Variants in CDH1 observed in about 807,000 individuals in gnomAD.
CDH1 encodes the protein cadherin-1.
CDH1 carries 35 observed loss-of-function variants against 84.5 expected under a neutral mutation model. The ratio of observed to expected loss-of-function variants is 0.41; its 90% CI spans 0.32 to 0.55. The LOEUF is 0.55. CDH1 is among the 20% of genes least tolerant of loss of function. CDH1 has a pLI of 0.19. For missense variants in CDH1, 994 were observed against 1,126.6 expected, an observed-to-expected ratio of 0.88 and a Z score of 1.68; for synonymous variants, 417 against 439.0, an observed-to-expected ratio of 0.95 and a Z score of 0.63.
chr16:68,783,700 A>G (rs937819090), intron 2 of CDH1, among the ~76,000 whole-genome samples: 6 of 151,972 alleles, frequency 3.9e-5, no homozygotes, highest in Admixed American at 6.6e-5. Flanking sequence ...TTTTTGAGAT[A>G]GAGTCTCGCT....
intron 14 of CDH1, among the ~76,000 whole-genome samples, chr16:68,829,082 C>T (rs1961408229): frequency 6.6e-6 from 1 of 152,052 alleles, no homozygotes; most frequent in South Asian, 2.1e-4. Context: ...TCTCATGTAC[C>T]GTGGGGTAGC....
In CDH1 at chr16:68,815,753, A is replaced by G; in HGVS notation, c.1559A>G (p.Lys520Arg). 6.2e-7 allele frequency: 1 copy of G among 1,614,278 alleles called. No homozygotes were observed. The highest frequency in any genetic ancestry group is 8.5e-7 in the Non-Finnish European group (1 of 1,180,050). Reference protein sequence around the residue: ...AQEPDTFMEQKITYRIWRDTA... With the variant: ...AQEPDTFMEQRITYRIWRDTA... ...GAGCCAGACACATTTATGGAACAGA[A>G]AATAACGTAAGTGTGAGGATTTTTC... Residue 520 changes from lysine to arginine, a missense_variant, in exon 10 of 16, where the codon AAA becomes AGA. This residue lies in a region of CDH1 where 769 missense variants were observed against 881.8 expected (regional missense o/e 0.87). Transcript: ENST00000261769.
chr16:68,829,417 A>G (rs1342913225), intron 14 of CDH1, among the ~76,000 whole-genome samples: 1 of 152,196 alleles, frequency 6.6e-6, no homozygotes, highest in East Asian at 1.9e-4. Flanking sequence ...TTAGTAAGGC[A>G]CACAGCCTAT....
intron 2 of CDH1, among the ~76,000 whole-genome samples, chr16:68,746,807 G>A (rs983340955): frequency 5.3e-5 from 8 of 152,176 alleles, no homozygotes; most frequent in South Asian, 2.1e-4. Context: ...AAGCTAGCCG[G>A]GCGTGGTGGT....
Position 68,829,674 on chromosome 16 carries a change from G to A in CDH1, c.2316G>A (p.Leu772=), listed in dbSNP as rs1057523941. Residue 772 remains leucine (L), a synonymous_variant, in exon 15 of 16, where the codon CTG becomes CTA. Transcript: ENST00000261769. ...EEDQDFDLSQ[L]HRGLDARPEV... Reference sequence around the variant, plus strand: ...CAAAGGACTTTGACTTGAGCCAGCTGCACAGGGGCCTGGACGCTCGGCCTG... The same window carrying A: ...CAAAGGACTTTGACTTGAGCCAGCTACACAGGGGCCTGGACGCTCGGCCTG... 6.2e-7 allele frequency: 1 copy of A among 1,614,106 alleles called. No individual in the cohort carries two copies. Among genetic ancestry groups the A allele is most frequent in the Non-Finnish European group, 8.5e-7 (1 of 1,180,014 alleles).
chr16:68,759,138 CTG>C (rs1963093134), intron 2 of CDH1, among the ~76,000 whole-genome samples: 1 of 152,150 alleles, frequency 6.6e-6, no homozygotes, highest in Non-Finnish European at 1.5e-5. Context: ...CAAGGTCTCA[CTG>C]TGTTGCCCAG....
intron 2 of CDH1, among the ~76,000 whole-genome samples, chr16:68,799,267 G>A (rs980011593): frequency 8.5e-5 from 13 of 152,120 alleles, no homozygotes; most frequent in African/African-American, 2.2e-4. Context: ...TTCAAGTTGC[G>A]GAAGTGAGTT....
chr16:68,745,549 A>ATATATATATATATATGT lies in CDH1; in HGVS notation c.163+7138_163+7139insTATATATATATATATGT, dbSNP rs1285099283. Among the ~76,000 whole-genome samples the ATATATATATATATATGT allele has an allele frequency of 2.3e-3, 175 of 75,178 alleles. 3 individuals are homozygous for ATATATATATATATATGT. Among genetic ancestry groups the ATATATATATATATATGT allele is most frequent in the African/African-American group, 5.3e-3 (95 of 18,078 alleles). 49.3% of individuals were successfully genotyped at this position (75,178 alleles called of 152,430 possible). The stretch of plus-strand genomic sequence containing the variant: ...ATCCTGTCTCAAAAAAAAAAAAAAA[A>ATATATATATATATATGT]ATATATATATATATGTATATATATA... On this transcript the variant is annotated intron_variant, in intron 2 of 15. Transcript: ENST00000261769.
intron 2 of CDH1, among the ~76,000 whole-genome samples, chr16:68,798,359 C>G (rs1407590077): frequency 1.3e-5 from 2 of 152,090 alleles, no homozygotes; most frequent in African/African-American, 4.8e-5. Flanking sequence ...ACAACCCAGC[C>G]CTTGCCAGCG....
At chr16:68,786,534 CTTTTTTT>C (rs3074434) in intron 2 of CDH1, among the ~76,000 whole-genome samples, 7 of 73,914 alleles carry the variant, frequency 9.5e-5, no homozygotes, top group African/African-American at 1.2e-4. Context: ...TTTTTTTTTT[CTTTTTTT>C]TTTTTTTTTT....
At chr16:68,826,249 CAG>C (rs533151200) in intron 13 of CDH1, among the ~76,000 whole-genome samples, 60 of 152,152 alleles carry the variant, frequency 3.9e-4, no homozygotes, top group Non-Finnish European at 7.1e-4. Flanking sequence ...ACATTTAAAA[CAG>C]AGGCAATGCC....
At position 68,833,165 on chromosome 16, in the gene CDH1, C is replaced by T; in HGVS notation, c.2440-125C>T. On this transcript the variant is annotated intron_variant, in intron 15 of 15. Transcript: ENST00000261769. ...TATAAATGTACGTTGTTGGTGTTCA[C>T]TGCTCCGTGGTGTGCCACAAGTCTG... The T allele has an allele frequency of 3.8e-6, 3 of 779,288 alleles. No homozygotes were observed. In the South Asian group the frequency reaches 4.3e-5, roughly 11 times the overall value. 48.3% of individuals were successfully genotyped at this position (779,288 alleles called of 1,614,324 possible). A position where few individuals can be genotyped will look rare whatever the true frequency, so the allele number is the denominator to read the frequency against.
chr16:68,744,889 C>A (rs1263720157), intron 2 of CDH1, among the ~76,000 whole-genome samples: 1 of 152,178 alleles, frequency 6.6e-6, no homozygotes, highest in South Asian at 2.1e-4. Context: ...TGCGCTCCCT[C>A]TCACCCAGCA....
intron 2 of CDH1, among the ~76,000 whole-genome samples, chr16:68,761,038 G>A (rs139937450): frequency 3.4e-3 from 518 of 152,324 alleles, no homozygotes; most frequent in Non-Finnish European, 5.8e-3. Flanking sequence ...CTGAACTTCC[G>A]GTCCTCGAGT....
intron 2 of CDH1, among the ~76,000 whole-genome samples, chr16:68,799,682 A>C (rs750612501): frequency 2.9e-4 from 44 of 152,090 alleles, no homozygotes; most frequent in Non-Finnish European, 4.9e-4. Context: ...TATAGGTATA[A>C]TCTATCTATA....
chr16:68,788,368 G>A (rs954052381), intron 2 of CDH1, among the ~76,000 whole-genome samples: 53 of 152,276 alleles, frequency 3.5e-4, no homozygotes, highest in African/African-American at 1.2e-3. Flanking sequence ...CACAGCTGTT[G>A]AGCTGTCATC....
intron 2 of CDH1, chr16:68,763,263 A>G (rs1959278927): frequency 1.3e-5 from 2 of 152,182 alleles, no homozygotes; most frequent in African/African-American, 4.8e-5. Flanking sequence ...TGTGGAATTC[A>G]CATTATAGTT....
chr16:68,738,692 A>G (rs116945783), intron 2 of CDH1, among the ~76,000 whole-genome samples: 1 of 152,234 alleles, frequency 6.6e-6, no homozygotes, highest in Non-Finnish European at 1.5e-5. Flanking sequence ...TCAGCACTGT[A>G]GAGACAGTCT....
chr16:68,804,557 T>C, intron 3 of CDH1, among the ~76,000 whole-genome samples: 1 of 152,164 alleles, frequency 6.6e-6, no homozygotes, highest in South Asian at 2.1e-4. Flanking sequence ...TTCTGGAATG[T>C]ATATTCCAGA....
Sources: allele counts gnomAD v4.1 joint callset (sites outside exome capture counted in the v4.1 genomes callset), GRCh38; gene constraint gnomAD v4.1.1; regional missense constraint gnomAD v4.1.1; transcripts MANE v1.5; gene names NCBI Gene and HGNC (gene_info 2026-07-23, HGNC 2026-07-21).